The following ZC3H12B variants were observed in gnomAD, a reference collection of about 807,000 sequenced individuals.
The protein encoded by ZC3H12B is probable ribonuclease ZC3H12B.
ZC3H12B carries 7 observed loss-of-function variants against 43.9 expected under a neutral mutation model. The ratio of observed to expected loss-of-function variants is 0.16; its 90% confidence interval spans 0.09 to 0.30. The LOEUF (loss-of-function observed/expected upper bound fraction) is 0.30. ZC3H12B is among the 10% of genes least tolerant of loss of function. The pLI, the probability that ZC3H12B is intolerant of heterozygous loss-of-function variation, is 1.00. For missense variants in ZC3H12B, 475 were observed against 670.2 expected (o/e 0.71, Z 3.22); for synonymous variants, 222 against 241.7 (o/e 0.92, Z 0.76).
chrX:65,118,294 AT>A, the ZC3H12B span, among the ~76,000 whole-genome samples: 2 of 111,074 alleles, frequency 1.8e-5, no homozygotes, highest in African/African-American at 6.5e-5. Flanking sequence ...CGTAAGTTGG[AT>A]TCTTAGGTAT....
At chrX:65,151,291 G>A in the ZC3H12B span, among the ~76,000 whole-genome samples, 1 of 111,806 alleles carries the variant, frequency 8.9e-6, no homozygotes, top group Non-Finnish European at 1.9e-5. Flanking sequence ...AATGATAAAA[G>A]TACAAATAAA....
intron 3 of ZC3H12B, among the ~76,000 whole-genome samples, chrX:65,430,223 G>T (rs2067138995): frequency 9.0e-6 from 1 of 111,618 alleles, no homozygotes; most frequent in Non-Finnish European, 1.9e-5. Context: ...ACACAGATCT[G>T]TGTGTTGGAG....
At chrX:65,307,322 T>A in the ZC3H12B span, among the ~76,000 whole-genome samples, 3 of 111,678 alleles carry the variant, frequency 2.7e-5, no homozygotes, top group Non-Finnish European at 5.6e-5. Context: ...AGAATAAAAA[T>A]CAGTCAATAG....
chrX:65,231,235 A>G, the ZC3H12B span, among the ~76,000 whole-genome samples: 2 of 111,140 alleles, frequency 1.8e-5, no homozygotes, highest in African/African-American at 6.6e-5. Flanking sequence ...TGGGTCACAG[A>G]GATCACATGC....
chrX:65,308,130 T>C, the ZC3H12B span, among the ~76,000 whole-genome samples: 3 of 111,151 alleles, frequency 2.7e-5, no homozygotes, highest in South Asian at 1.1e-3. Flanking sequence ...GACCATATGA[T>C]AGGCCACAAA....
the ZC3H12B span, among the ~76,000 whole-genome samples, chrX:65,165,161 A>T: frequency 8.9e-6 from 1 of 112,362 alleles, no homozygotes; most frequent in South Asian, 3.7e-4. Flanking sequence ...CCTGAAATAA[A>T]TACTGTTATT....
chrX:65,109,014 TG>T, the ZC3H12B span, among the ~76,000 whole-genome samples: 1 of 111,713 alleles, frequency 9.0e-6, no homozygotes, highest in South Asian at 3.7e-4. Flanking sequence ...CCCCAGCTTT[TG>T]CCTGAAACGT....
intron 2 of ZC3H12B, among the ~76,000 whole-genome samples, chrX:65,374,345 G>A (rs2066315594): frequency 2.1e-5 from 2 of 97,125 alleles, no homozygotes; most frequent in South Asian, 9.3e-4. Context: ...TGGGTGACAG[G>A]ATCAATCATA....
At chrX:65,124,522 C>T in the ZC3H12B span, among the ~76,000 whole-genome samples, 1 of 110,421 alleles carries the variant, frequency 9.1e-6, no homozygotes, top group Non-Finnish European at 1.9e-5. Flanking sequence ...GGAGGATTCC[C>T]TCTTTCTCTG....
chrX:65,387,687 T>C (rs1238223949), intron 2 of ZC3H12B, among the ~76,000 whole-genome samples: 1 of 112,177 alleles, frequency 8.9e-6, no homozygotes, highest in East Asian at 2.8e-4. Context: ...GTCATTATGA[T>C]GTTAGCTGGT....
the ZC3H12B span, among the ~76,000 whole-genome samples, chrX:65,118,242 C>T: frequency 9.0e-6 from 1 of 111,487 alleles, no homozygotes; most frequent in Admixed American, 9.6e-5. Context: ...TTTCCTTGAG[C>T]AGTGGTTTGT....
chrX:65,098,116 G>A, the ZC3H12B span, among the ~76,000 whole-genome samples: 1 of 110,028 alleles, frequency 9.1e-6, no homozygotes, highest in African/African-American at 3.3e-5. Context: ...CTAACTCTTA[G>A]AATGTGTGTG....
At chrX:65,491,990 C>T (rs1480408488) in intron 1 of ZC3H12B, among the ~76,000 whole-genome samples, 1 of 110,589 alleles carries the variant, frequency 9.0e-6, no homozygotes, top group Non-Finnish European at 1.9e-5. Flanking sequence ...GGTGTCTCTG[C>T]TCCCCTCCTA....
chrX:65,120,099 C>G, the ZC3H12B span, among the ~76,000 whole-genome samples: 2 of 111,824 alleles, frequency 1.8e-5, no homozygotes, highest in Non-Finnish European at 3.8e-5. Flanking sequence ...TAGCTTTGTT[C>G]TTTTGACTTA....
chrX:65,257,874 A>T, the ZC3H12B span, among the ~76,000 whole-genome samples: 1 of 111,437 alleles, frequency 9.0e-6, no homozygotes, highest in African/African-American at 3.3e-5. Context: ...GAGTTTCAAA[A>T]TTGAATCAGT....
intron 3 of ZC3H12B, among the ~76,000 whole-genome samples, chrX:65,472,888 A>T (rs1009566721): frequency 8.9e-5 from 8 of 89,537 alleles, no homozygotes; most frequent in African/African-American, 3.3e-4. Context: ...TTATATATAT[A>T]TGTTTGTGTA....
chrX:65,386,301 T>C (rs1336660976), intron 2 of ZC3H12B, among the ~76,000 whole-genome samples: 1 of 111,971 alleles, frequency 8.9e-6, no homozygotes, highest in Non-Finnish European at 1.9e-5. Flanking sequence ...TGGTAGGCTA[T>C]TAATTATTGC....
the ZC3H12B span, among the ~76,000 whole-genome samples, chrX:65,073,973 C>G: frequency 8.9e-6 from 1 of 112,061 alleles, no homozygotes; most frequent in Non-Finnish European, 1.9e-5. Flanking sequence ...CCCAGTCCCT[C>G]AGTGGCAGCT....
chrX:65,259,771 C>T, the ZC3H12B span, among the ~76,000 whole-genome samples: 37 of 111,792 alleles, frequency 3.3e-4, no homozygotes, highest in African/African-American at 1.2e-3. Context: ...TGCTTGCACA[C>T]ACGTGTTTAT....
Sources: gnomAD v4.1 joint callset for allele counts (sites outside exome capture counted in the v4.1 genomes callset) on GRCh38, gnomAD v4.1.1 for gene constraint, MANE v1.5 for transcripts, NCBI Gene and HGNC (gene_info 2026-07-23, HGNC 2026-07-21) for gene names.